The following PALM2AKAP2 variants were observed in gnomAD, a reference collection of about 807,000 sequenced individuals.
PALM2AKAP2 encodes the protein PALM2 and AKAP2 fusion, also known as PALM2-AKAP2 fusion protein.
PALM2AKAP2 carries 37 observed loss-of-function variants against 71.5 expected under a neutral mutation model. That is an observed-to-expected ratio of 0.52 (90% CI 0.40 to 0.68). The LOEUF (loss-of-function observed/expected upper bound fraction) is 0.68. Among genes scored for constraint, PALM2AKAP2 ranks in the 30% least tolerant of loss-of-function variants. The pLI is 0.00. For missense variants in PALM2AKAP2, 1,224 were observed against 1,191.8 expected (o/e 1.03, Z -0.40); for synonymous variants, 468 against 478.8 (o/e 0.98, Z 0.29).
intron 6 of PALM2AKAP2, among the ~76,000 whole-genome samples, chr9:109,970,103 T>G (rs920038072): frequency 6.6e-6 from 1 of 152,218 alleles, no homozygotes; most frequent in African/African-American, 2.4e-5. Flanking sequence ...TTGAACTCCC[T>G]GAGAACAATG....
chr9:109,786,982 G>T (rs531749884), intron 1 of PALM2AKAP2, among the ~76,000 whole-genome samples: 1 of 152,318 alleles, frequency 6.6e-6, no homozygotes, highest in South Asian at 2.1e-4. Flanking sequence ...TCCCATTTGG[G>T]AATGTTGATG....
intron 1 of PALM2AKAP2, among the ~76,000 whole-genome samples, chr9:110,079,868 G>A (rs113269885): frequency 1.6e-3 from 237 of 152,094 alleles, no homozygotes; most frequent in Admixed American, 3.3e-3. Flanking sequence ...TCAGGAGTTC[G>A]AGACCAGCCT....
rs181877421 is a variant in PALM2AKAP2 at position 109,700,439 on chromosome 9, G to A, written c.5+59573G>A. On this transcript the variant is annotated intron_variant, in intron 1 of 6. Coordinates refer to the PALM2AKAP2 transcript ENST00000374531. Reference sequence around the variant, plus strand: ...CCCAGTCATGTGGAACTGTGAGTCCGTTAAACATCTTTCCTTTATAAATTA... The same window carrying A: ...CCCAGTCATGTGGAACTGTGAGTCCATTAAACATCTTTCCTTTATAAATTA... 4.1e-3 allele frequency among the ~76,000 whole-genome samples: 619 copies of A among 152,244 alleles called. 4 individuals are homozygous for A. Among genetic ancestry groups the A allele is most frequent in the African/African-American group, 0.012 (487 of 41,534 alleles).
rs539655069 is a variant in PALM2AKAP2 at position 109,901,002 on chromosome 9, C to T, written c.257+20321C>T. Among the ~76,000 whole-genome samples the T allele has an allele frequency of 1.8e-4, 28 of 152,288 alleles. 1 individual carries two copies. The South Asian group carries it at 5.6e-3, about 30-fold the overall frequency. ...TTTCAAGCTCATAGGAAATGAACTACGAAGCCATGTTGGGATATGAACTGA... is the reference window on the plus strand; with the variant it reads ...TTTCAAGCTCATAGGAAATGAACTATGAAGCCATGTTGGGATATGAACTGA... On this transcript the variant is annotated intron_variant, in intron 3 of 9. Coordinates refer to the PALM2AKAP2 transcript ENST00000302798.
At chr9:109,961,105 G>C (rs1831844490) in intron 6 of PALM2AKAP2, among the ~76,000 whole-genome samples, 1 of 152,222 alleles carries the variant, frequency 6.6e-6, no homozygotes, top group African/African-American at 2.4e-5. Context: ...GGTGCTCTTG[G>C]AGTTGTTCAG....
chr9:109,801,036 A>C (rs1480825024), intron 1 of PALM2AKAP2, among the ~76,000 whole-genome samples: 1 of 152,198 alleles, frequency 6.6e-6, no homozygotes, highest in East Asian at 1.9e-4. Context: ...TTACAACTGG[A>C]TGGTGAGTTG....
chr9:109,745,471 G>A (rs1390203344), intron 1 of PALM2AKAP2, among the ~76,000 whole-genome samples: 1 of 151,676 alleles, frequency 6.6e-6, no homozygotes, highest in Admixed American at 6.6e-5. Flanking sequence ...CTCTTAAGTC[G>A]ACTCTAGTGG....
At chr9:109,901,804 G>C (rs1187438452) in intron 3 of PALM2AKAP2, among the ~76,000 whole-genome samples, 1 of 152,168 alleles carries the variant, frequency 6.6e-6, no homozygotes, top group Non-Finnish European at 1.5e-5. Context: ...GACTGAGGAA[G>C]ACAATCTACC....
At chr9:110,148,401 T>G (rs1836229693) in intron 2 of PALM2AKAP2, 1 of 152,202 alleles carries the variant, frequency 6.6e-6, no homozygotes, top group Non-Finnish European at 1.5e-5. Context: ...GAGCTAAGTT[T>G]ATAATCTGAA....
At chr9:110,039,518 C>T (rs886716849) in intron 7 of PALM2AKAP2, among the ~76,000 whole-genome samples, 14 of 152,126 alleles carry the variant, frequency 9.2e-5, no homozygotes, top group South Asian at 2.1e-4. Context: ...GGTCAGGATT[C>T]CAATCCAGGT....
At chr9:109,952,979 A>G (rs1345510769) in intron 6 of PALM2AKAP2, among the ~76,000 whole-genome samples, 1 of 152,238 alleles carries the variant, frequency 6.6e-6, no homozygotes, top group Admixed American at 6.5e-5. Flanking sequence ...CTGTTGCCCA[A>G]CCAGAGGCCT....
chr9:109,751,077 G>A (rs1349329675), intron 1 of PALM2AKAP2, among the ~76,000 whole-genome samples: 2 of 152,054 alleles, frequency 1.3e-5, no homozygotes, highest in Non-Finnish European at 2.9e-5. Context: ...AAATATACCT[G>A]AATCCAGCCA....
chr9:110,170,144 G>A (rs1327582940), exon 4 of PALM2AKAP2: 2 of 152,374 alleles, frequency 1.3e-5, no homozygotes, highest in African/African-American at 4.8e-5. Context: ...AATATGATAA[G>A]GGTATTCAAT....
At chr9:110,146,304 G>A (rs1024650410) in intron 2 of PALM2AKAP2, among the ~76,000 whole-genome samples, 1 of 152,140 alleles carries the variant, frequency 6.6e-6, no homozygotes, top group East Asian at 1.9e-4. Context: ...AAAGCAGAAC[G>A]TTCCCCACCA....
intron 1 of PALM2AKAP2, among the ~76,000 whole-genome samples, chr9:110,102,054 G>T (rs979043007): frequency 5.9e-5 from 9 of 152,204 alleles, no homozygotes; most frequent in Non-Finnish European, 1.3e-4. Context: ...TTTCGGATAA[G>T]GAAGCTGAGG....
intron 1 of PALM2AKAP2, among the ~76,000 whole-genome samples, chr9:109,691,211 A>G (rs548512575): frequency 7.1e-4 from 107 of 151,266 alleles, no homozygotes; most frequent in African/African-American, 2.5e-3. Flanking sequence ...ACACATGCAC[A>G]CACAGCTTCA....
intron 1 of PALM2AKAP2, among the ~76,000 whole-genome samples, chr9:109,700,292 C>A (rs910863360): frequency 6.6e-6 from 1 of 152,074 alleles, no homozygotes; most frequent in African/African-American, 2.4e-5. Context: ...TGATACTGAA[C>A]AAGTTTCACA....
chr9:110,116,254 C>A (rs1835357683), intron 1 of PALM2AKAP2, among the ~76,000 whole-genome samples: 1 of 152,108 alleles, frequency 6.6e-6, no homozygotes, highest in Non-Finnish European at 1.5e-5. Context: ...GTGCTTTTTG[C>A]CTATGGAAGA....
intron 6 of PALM2AKAP2, among the ~76,000 whole-genome samples, chr9:109,939,573 T>C (rs532327352): frequency 6.6e-6 from 1 of 152,366 alleles, no homozygotes; most frequent in South Asian, 2.1e-4. Context: ...ATTACTTTCC[T>C]TATTTATAAC....
Sources: allele counts gnomAD v4.1 joint callset (sites outside exome capture counted in the v4.1 genomes callset), GRCh38; gene constraint gnomAD v4.1.1; transcripts MANE v1.5; gene names NCBI Gene and HGNC (gene_info 2026-07-23, HGNC 2026-07-21).